The following ATP6V1H variants were observed in gnomAD, a reference collection of about 807,000 sequenced individuals.
ATP6V1H encodes V-type proton ATPase subunit H.
Under a neutral mutation model 71.7 loss-of-function variants are expected in ATP6V1H, and 39 were observed. The observed-to-expected ratio is 0.54, with a 90% CI of 0.42 to 0.71. ATP6V1H has a LOEUF of 0.71. Among genes scored for constraint, ATP6V1H ranks in the 30% least tolerant of loss-of-function variants. The probability of loss-of-function intolerance (pLI) is 0.00; values close to 1 mark genes in which losing one functional copy is unlikely to be tolerated. For synonymous variants in ATP6V1H, 192 were observed against 199.3 expected (o/e 0.96, Z 0.31); for missense variants, 509 against 594.9 (o/e 0.86, Z 1.50).
In ATP6V1H at chr8:53,737,656, C is replaced by G. The variant is rs79235815; in HGVS notation, c.1391+5921G>C. ...TTTTAGGAAAACCTCTGGCCCTGTACTAACACTTTGGCACCTTTATGCTGA... is the reference window on the plus strand; with the variant it reads ...TTTTAGGAAAACCTCTGGCCCTGTAGTAACACTTTGGCACCTTTATGCTGA... On this transcript the variant is annotated intron_variant, in intron 13 of 13. Transcript: ENST00000359530. Among the ~76,000 whole-genome samples, 138 of 152,324 alleles carry G rather than the reference C, an allele frequency of 9.1e-4. 4 individuals are homozygous for G. In the East Asian group the frequency reaches 0.024, roughly 27 times the overall value.
chr8:53,744,018 C>T (rs1394261006), intron 12 of ATP6V1H, among the ~76,000 whole-genome samples: 1 of 152,042 alleles, frequency 6.6e-6, no homozygotes, highest in Non-Finnish European at 1.5e-5. Context: ...TTTTTATTAT[C>T]AGTATTTCTT....
intron 2 of ATP6V1H, among the ~76,000 whole-genome samples, 192 bp downstream of exon 2, chr8:53,841,386 C>T (rs751610426): frequency 2.0e-5 from 3 of 152,176 alleles, no homozygotes; most frequent in Admixed American, 6.5e-5. Flanking sequence ...GCTCTGCTTC[C>T]CCACTAGGGC....
At position 53,780,482 on chromosome 8, in the gene ATP6V1H, C is replaced by G. The variant is rs146126270; in HGVS notation, c.871-8315G>C. 2.2e-3 allele frequency among the ~76,000 whole-genome samples: 339 copies of G among 152,118 alleles called. 2 individuals are homozygous for G. The highest frequency in any genetic ancestry group is 7.9e-3 in the African/African-American group (328 of 41,496). On this transcript the variant is annotated intron_variant, in intron 9 of 13. Transcript: ENST00000359530. ...AGAAACTGAATCTGCCAGAAATAAT[C>G]TACTTAATGTGGCAGCAACACATTT...
chr8:53,776,612 A>C (rs955477055), intron 9 of ATP6V1H, among the ~76,000 whole-genome samples: 1 of 152,222 alleles, frequency 6.6e-6, no homozygotes, highest in African/African-American at 2.4e-5. Context: ...GGAGAAACAT[A>C]ACAGAAGCCA....
intron 12 of ATP6V1H, among the ~76,000 whole-genome samples, chr8:53,755,687 TATATATATA>T (rs1807991836): frequency 0.021 from 63 of 3,016 alleles, 1 homozygote; most frequent in South Asian, 0.028. Context: ...CCAGCGTACA[TATATATATA>T]TATATATATA....
At chr8:53,829,324 ATAT>A (rs1451148484) in intron 4 of ATP6V1H, 117 bp downstream of exon 4, 5 of 644,650 alleles carry the variant, frequency 7.8e-6, no homozygotes, top group South Asian at 1.8e-5. Context: ...TGAGAAAAAT[ATAT>A]TATTATGCTC....
chr8:53,831,013 T>C (rs1810988359), intron 3 of ATP6V1H, among the ~76,000 whole-genome samples: 1 of 152,120 alleles, frequency 6.6e-6, no homozygotes. Context: ...AAAGACCCCA[T>C]AAACCAAGTT....
At chr8:53,728,404 T>C (rs1157108466) in intron 13 of ATP6V1H, among the ~76,000 whole-genome samples, 4 of 152,178 alleles carry the variant, frequency 2.6e-5, no homozygotes, top group African/African-American at 9.7e-5. Flanking sequence ...GGAAAATATC[T>C]CATTAGAAAA....
chr8:53,840,002 G>C lies in ATP6V1H; in HGVS notation c.113+1576C>G, dbSNP rs920398153. On this transcript the variant is annotated intron_variant, in intron 2 of 13. Transcript: ENST00000359530. ...ATGTATGACTCCCACCCAGTGTGCTGTTTTTGCTTCCCTGCCTTTGCTCAC... is the reference window on the plus strand; with the variant it reads ...ATGTATGACTCCCACCCAGTGTGCTCTTTTTGCTTCCCTGCCTTTGCTCAC... The C allele has an allele frequency of 4.9e-6, 4 of 818,898 alleles. No individual in the cohort carries two copies. In the African/African-American group the frequency reaches 7.4e-5, roughly 15 times the overall value. The allele number at this position is 818,898 out of a possible 1,614,324, so 50.7% of individuals were successfully genotyped here.
intron 9 of ATP6V1H, 98 bp from the exon 10 acceptor site, chr8:53,772,265 ATTCTC>A: frequency 1.2e-5 from 11 of 951,336 alleles, no homozygotes; most frequent in Non-Finnish European, 1.7e-5. Context: ...TCCTCCTCCT[ATTCTC>A]AAGTTTAACT....
intron 2 of ATP6V1H, among the ~76,000 whole-genome samples, chr8:53,838,699 C>T (rs1190923632): frequency 6.6e-6 from 1 of 152,050 alleles, no homozygotes; most frequent in East Asian, 1.9e-4. Context: ...CACAGCCATA[C>T]CCATTCATTT....
intron 3 of ATP6V1H, among the ~76,000 whole-genome samples, chr8:53,830,672 C>T (rs982395486): frequency 6.6e-6 from 1 of 152,116 alleles, no homozygotes; most frequent in African/African-American, 2.4e-5. Context: ...AGGCCCATCA[C>T]ACCAGACACT....
intron 9 of ATP6V1H, among the ~76,000 whole-genome samples, chr8:53,786,927 TG>T (rs1809406867): frequency 6.6e-6 from 1 of 152,202 alleles, no homozygotes; most frequent in Non-Finnish European, 1.5e-5. Context: ...CAGTTTTGCT[TG>T]TTTTTTGATT....
intron 3 of ATP6V1H, among the ~76,000 whole-genome samples, chr8:53,831,404 T>G (rs924312060): frequency 6.6e-6 from 1 of 152,210 alleles, no homozygotes; most frequent in Non-Finnish European, 1.5e-5. Flanking sequence ...AGTAAAAACA[T>G]GGTAGTATAA....
chr8:53,743,401 G>A (rs1004973288), intron 13 of ATP6V1H, among the ~76,000 whole-genome samples, 176 bp downstream of exon 13: 12 of 151,970 alleles, frequency 7.9e-5, no homozygotes, highest in Admixed American at 2.0e-4. Flanking sequence ...AGTGCAGTCC[G>A]TCTTTATAAA....
chr8:53,830,310 G>A (rs1343977142), intron 3 of ATP6V1H, among the ~76,000 whole-genome samples: 3 of 152,074 alleles, frequency 2.0e-5, no homozygotes, highest in Non-Finnish European at 4.4e-5. Flanking sequence ...TATTTCACTT[G>A]GTATTCACTC....
chr8:53,759,143 G>C (rs1385488241), intron 11 of ATP6V1H, among the ~76,000 whole-genome samples: 1 of 152,202 alleles, frequency 6.6e-6, no homozygotes, highest in South Asian at 2.1e-4. Context: ...GAGAAGCACA[G>C]CCTTAGAGTC....
Position 53,752,715 on chromosome 8 carries a change from TA to T in ATP6V1H, c.1277+3839del, listed in dbSNP as rs1336441811. On this transcript the variant is annotated intron_variant, in intron 12 of 13. Transcript: ENST00000359530. ...AGAGGCATGTGCCACCACACCCAGC[TA>T]ATTTTTCTATTTTTAGTAGAGACGG... Among the ~76,000 whole-genome samples the T allele has an allele frequency of 3.3e-5, 5 of 152,290 alleles. No homozygotes were observed. The East Asian group carries it at 9.7e-4, about 29-fold the overall frequency.
In ATP6V1H at chr8:53,819,818, G is replaced by A. The variant is rs140708624; in HGVS notation, c.307-2288C>T. ...GTATACAAAGTATATGTGTGTGTGT[G>A]TATATATATACACACACACACACAT... is the stretch of plus-strand genomic sequence containing the variant. On this transcript the variant is annotated intron_variant, in intron 4 of 13. Coordinates refer to ENST00000359530, the MANE Select transcript of ATP6V1H (RefSeq NM_015941.4). Among the ~76,000 whole-genome samples, 1,111 of 144,996 alleles carry A rather than the reference G, an allele frequency of 7.7e-3. 5 individuals are homozygous for A. Among genetic ancestry groups the A allele is most frequent in the South Asian group, 0.015 (67 of 4,618 alleles).
Sources: gnomAD v4.1 joint callset for allele counts (sites outside exome capture counted in the v4.1 genomes callset) on GRCh38, gnomAD v4.1.1 for gene constraint, MANE v1.5 for transcripts, NCBI Gene and HGNC (gene_info 2026-07-23, HGNC 2026-07-21) for gene names.